Variants in RORA observed in about 807,000 individuals in gnomAD.
RORA encodes nuclear receptor ROR-alpha.
A neutral mutation model predicts 69.5 loss-of-function variants in RORA; 7 were observed. The observed-to-expected ratio is 0.10, with a 90% CI of 0.06 to 0.19. The LOEUF (loss-of-function observed/expected upper bound fraction) is 0.19, where lower values mean the gene tolerates loss of function less well. Ranked by LOEUF, RORA falls within the 10% of genes least tolerant of loss-of-function variation. The pLI is 1.00. For synonymous variants in RORA, 261 were observed against 240.8 expected, an observed-to-expected ratio of 1.08 and a Z score of -0.78; for missense variants, 457 against 663.0, an observed-to-expected ratio of 0.69 and a Z score of 3.41.
In RORA at chr15:60,954,682, G is replaced by A. The variant is rs537062202; in HGVS notation, c.166+274371C>T. Among the ~76,000 whole-genome samples, 13 of 152,316 alleles carry A rather than the reference G, an allele frequency of 8.5e-5. No homozygotes were observed. The South Asian group carries it at 2.1e-3, about 24-fold the overall frequency. ...ATTCTATTAAACCTTGAAGTTTCAA[G>A]TGAAATGCCAAATCTTCTTGAACTA... On this transcript the variant is annotated intron_variant, in intron 1 of 10. Transcript: ENST00000335670.
At chr15:60,742,022 C>T (rs1333179542) in intron 1 of RORA, among the ~76,000 whole-genome samples, 1 of 152,114 alleles carries the variant, frequency 6.6e-6, no homozygotes, top group African/African-American at 2.4e-5. Context: ...TGAAACCCAA[C>T]CTCCTCCAAG....
At chr15:61,049,342 T>C (rs1897191086) in intron 1 of RORA, among the ~76,000 whole-genome samples, 1 of 152,206 alleles carries the variant, frequency 6.6e-6, no homozygotes, top group African/African-American at 2.4e-5. Context: ...TTGGATTTAA[T>C]GCATGAGGCT....
chr15:60,598,725 AG>A (rs1567116235), intron 2 of RORA, among the ~76,000 whole-genome samples: 1 of 152,192 alleles, frequency 6.6e-6, no homozygotes, highest in Non-Finnish European at 1.5e-5. Flanking sequence ...TTTTACTACA[AG>A]GGGGTCAGCA....
intron 1 of RORA, among the ~76,000 whole-genome samples, chr15:60,732,919 A>T (rs2071448073): frequency 6.6e-6 from 1 of 152,154 alleles, no homozygotes; most frequent in Admixed American, 6.5e-5. Context: ...CCATCATAGT[A>T]TTTTCTTTCA....
intron 2 of RORA, among the ~76,000 whole-genome samples, chr15:60,621,314 T>C (rs1405883056): frequency 6.6e-6 from 1 of 152,162 alleles, no homozygotes; most frequent in Non-Finnish European, 1.5e-5. Context: ...TAAGCATCAA[T>C]TATCTGTCAG....
At chr15:60,801,141 TGGC>T in intron 1 of RORA, among the ~76,000 whole-genome samples, 1 of 152,190 alleles carries the variant, frequency 6.6e-6, no homozygotes, top group Non-Finnish European at 1.5e-5. Context: ...AGCCCTTACT[TGGC>T]GCAGACCCTA....
intron 1 of RORA, among the ~76,000 whole-genome samples, chr15:61,174,978 C>A (rs1230474559): frequency 6.6e-6 from 1 of 152,188 alleles, no homozygotes; most frequent in Non-Finnish European, 1.5e-5. Context: ...TGCTTGACTG[C>A]AAAGCCCATG....
intron 1 of RORA, among the ~76,000 whole-genome samples, chr15:61,053,974 T>C (rs2078054664): frequency 6.6e-6 from 1 of 151,398 alleles, no homozygotes; most frequent in Non-Finnish European, 1.5e-5. Flanking sequence ...AGCTATTTCT[T>C]GAAAAAGGAA....
intron 1 of RORA, among the ~76,000 whole-genome samples, chr15:60,819,827 G>T (rs1407579754): frequency 1.3e-5 from 2 of 149,064 alleles, no homozygotes; most frequent in Non-Finnish European, 2.9e-5. Context: ...ACTCATGGCC[G>T]GCCCCTCTGC....
rs10551257 is a variant in RORA, at chr15:61,115,278, CA to C, written c.166+113774del. On this transcript the variant is annotated intron_variant, in intron 1 of 10. Coordinates refer to ENST00000335670, the MANE Select transcript of RORA (RefSeq NM_134261.3). ...CATGAAGGCTTGGTAATGGATATTC[CA>C]AAAAAAAAAAAATGTAAATAGGAGC... 4.9e-3 allele frequency among the ~76,000 whole-genome samples: 718 copies of C among 146,196 alleles called. 5 individuals carry two copies. The highest frequency in any genetic ancestry group is 0.014 in the African/African-American group (560 of 40,332).
intron 2 of RORA, among the ~76,000 whole-genome samples, chr15:60,619,681 G>A (rs1206003871): frequency 6.6e-6 from 1 of 152,116 alleles, no homozygotes; most frequent in African/African-American, 2.4e-5. Flanking sequence ...CACATTTTCT[G>A]TATTGCCACT....
chr15:60,945,271 T>C (rs1892836649), intron 1 of RORA, among the ~76,000 whole-genome samples: 3 of 152,178 alleles, frequency 2.0e-5, no homozygotes, highest in Non-Finnish European at 4.4e-5. Context: ...AAAATATGTA[T>C]TCCACGGTTC....
At chr15:60,656,487 G>T (rs1311216274) in intron 2 of RORA, among the ~76,000 whole-genome samples, 1 of 151,350 alleles carries the variant, frequency 6.6e-6, no homozygotes, top group Admixed American at 6.6e-5. Context: ...GATTAAAAAG[G>T]AATCTTTAAG....
chr15:60,515,950 TATATATTTA>T (rs1567050834), intron 3 of RORA, among the ~76,000 whole-genome samples: 1,801 of 14,830 alleles, frequency 0.12, 281 homozygotes, highest in African/African-American at 0.35. Flanking sequence ...TATATATATT[TATATATTTA>T]TATTTATATA....
At chr15:60,743,881 C>A (rs1364474573) in intron 1 of RORA, among the ~76,000 whole-genome samples, 1 of 152,094 alleles carries the variant, frequency 6.6e-6, no homozygotes, top group Non-Finnish European at 1.5e-5. Context: ...CCAATTTTAT[C>A]CTGGGCCTTA....
intron 3 of RORA, chr15:60,530,206 T>G (rs1182055578): frequency 3.9e-5 from 6 of 152,260 alleles, no homozygotes; most frequent in South Asian, 4.1e-4. Context: ...ATCAATGCGA[T>G]GACAGTGGTC....
intron 1 of RORA, among the ~76,000 whole-genome samples, chr15:60,960,562 C>A (rs116793065): frequency 6.6e-6 from 1 of 151,994 alleles, no homozygotes; most frequent in African/African-American, 2.4e-5. Context: ...GAGAGTTACA[C>A]GATCAGGAGA....
chr15:61,211,284 CA>C (rs58967697), intron 1 of RORA, among the ~76,000 whole-genome samples: 31,137 of 92,866 alleles, frequency 0.34, 3,583 homozygotes, highest in East Asian at 0.48. Context: ...AAAACAACAG[CA>C]AAAAAAAAAA....
rs569024153 is a variant in RORA at position 61,156,227 on chromosome 15, A to G, written c.166+72826T>C. Among the ~76,000 whole-genome samples the G allele has an allele frequency of 2.3e-3, 357 of 152,198 alleles. 1 individual carries two copies. The highest frequency in any genetic ancestry group is 2.0e-3 in the Non-Finnish European group (136 of 68,006). On this transcript the variant is annotated intron_variant, in intron 1 of 10. Transcript: ENST00000335670. ...AAAACAAGGGGGGAAAAGTTTGAAG[A>G]TATGTATTAAGATATGTTAAAATCT...
Sources: gnomAD v4.1 joint callset for allele counts (sites outside exome capture counted in the v4.1 genomes callset) on GRCh38, gnomAD v4.1.1 for gene constraint, MANE v1.5 for transcripts, NCBI Gene and HGNC (gene_info 2026-07-23, HGNC 2026-07-21) for gene names.